Variants in RELCH observed in about 807,000 individuals in gnomAD.
RELCH encodes RAB11-binding protein RELCH.
A neutral mutation model predicts 150.3 loss-of-function variants in RELCH; 41 were observed. The observed-to-expected ratio is 0.27, with a 90% CI of 0.21 to 0.35. The LOEUF is 0.35. Ranked by LOEUF, RELCH falls within the 10% of genes least tolerant of loss-of-function variation. The probability of loss-of-function intolerance (pLI) is 1.00; values close to 1 mark genes in which losing one functional copy is unlikely to be tolerated. For synonymous variants in RELCH, 478 were observed against 531.8 expected (o/e 0.90, Z 1.39); for missense variants, 1,092 against 1,467.8 (o/e 0.74, Z 4.18).
chr18:62,256,385 G>T (rs1236681974), intron 13 of RELCH, among the ~76,000 whole-genome samples: 1 of 151,966 alleles, frequency 6.6e-6, no homozygotes, highest in East Asian at 1.9e-4. Flanking sequence ...CAGGAACTAG[G>T]CACGGTGAAA....
At chr18:62,304,723 CT>C (rs2045808937) in intron 28 of RELCH, among the ~76,000 whole-genome samples, 1 of 152,122 alleles carries the variant, frequency 6.6e-6, no homozygotes, top group Non-Finnish European at 1.5e-5. Flanking sequence ...CTGTTCAGTA[CT>C]ATGATAAATT....
intron 26 of RELCH, 139 bp downstream of exon 26, chr18:62,287,606 C>A: frequency 1.6e-6 from 1 of 638,278 alleles, no homozygotes; most frequent in Non-Finnish European, 2.7e-6. Flanking sequence ...TTTGATTTGT[C>A]TCACTCCACT....
At chr18:62,267,950 A>G (rs896642525) in intron 19 of RELCH, among the ~76,000 whole-genome samples, 4 of 152,004 alleles carry the variant, frequency 2.6e-5, no homozygotes, top group African/African-American at 9.7e-5. Context: ...CTCCCCAAAA[A>G]AGGTACTCTC....
chr18:62,292,725 C>T (rs978022745), intron 27 of RELCH, among the ~76,000 whole-genome samples: 1 of 152,182 alleles, frequency 6.6e-6, no homozygotes, highest in Non-Finnish European at 1.5e-5. Context: ...TGATAGTTAA[C>T]ATAGAGTATG....
At chr18:62,238,894 G>A (rs1194869012) in intron 10 of RELCH, among the ~76,000 whole-genome samples, 3 of 152,016 alleles carry the variant, frequency 2.0e-5, no homozygotes, top group Non-Finnish European at 4.4e-5. Context: ...AAAAGGCAAA[G>A]GAAAGAACCA....
chr18:62,249,267 G>A (rs1177201782), intron 11 of RELCH, among the ~76,000 whole-genome samples: 1 of 152,100 alleles, frequency 6.6e-6, no homozygotes, highest in East Asian at 1.9e-4. Context: ...CCCTCAACTA[G>A]GAGAATACAA....
intron 11 of RELCH, among the ~76,000 whole-genome samples, chr18:62,248,201 A>G (rs1228098057): frequency 1.3e-5 from 2 of 152,230 alleles, no homozygotes; most frequent in African/African-American, 2.4e-5. Flanking sequence ...AAATGCATGT[A>G]TAAAGTTTCC....
chr18:62,244,102 G>A (rs1183876293), intron 10 of RELCH, among the ~76,000 whole-genome samples: 1 of 151,990 alleles, frequency 6.6e-6, no homozygotes, highest in East Asian at 1.9e-4. Flanking sequence ...AATTTCAAGT[G>A]TCTCTTAGAA....
chr18:62,295,628 G>GA (rs2045372689), intron 27 of RELCH, among the ~76,000 whole-genome samples: 1 of 151,992 alleles, frequency 6.6e-6, no homozygotes, highest in South Asian at 2.1e-4. Flanking sequence ...ACCCATGCTG[G>GA]AGTACAGTGG....
intron 25 of RELCH, among the ~76,000 whole-genome samples, chr18:62,283,180 T>C (rs1212987782): frequency 6.6e-6 from 1 of 152,234 alleles, no homozygotes; most frequent in African/African-American, 2.4e-5. Context: ...AACAGACATT[T>C]CTTCCACTTA....
intron 11 of RELCH, among the ~76,000 whole-genome samples, chr18:62,245,102 C>T (rs1335583581): frequency 6.6e-6 from 1 of 152,038 alleles, no homozygotes; most frequent in East Asian, 1.9e-4. Context: ...CTTTCCTCCT[C>T]ACCTTCTCTT....
rs1186357903 is a variant in RELCH, at chr18:62,307,179, C to A, written c.*1645C>A. 1 of 151,448 alleles carries A rather than the reference C, an allele frequency of 6.6e-6. No individual in the cohort carries two copies. Among genetic ancestry groups the A allele is most frequent in the Admixed American group, 6.6e-5 (1 of 15,214 alleles). 9.4% of individuals were successfully genotyped at this position (151,448 alleles called of 1,614,324 possible). ...TTGAAACACTATACTTTCTATTAAG[C>A]AAAAAAATGAGAAAAGCCTATATTC... On this transcript the variant is annotated 3_prime_UTR_variant, in exon 29 of 29. Coordinates refer to ENST00000644646, the MANE Select transcript of RELCH (RefSeq NM_001346231.2).
At chr18:62,295,916 A>G (rs1172165708) in intron 27 of RELCH, among the ~76,000 whole-genome samples, 1 of 152,148 alleles carries the variant, frequency 6.6e-6, no homozygotes, top group Non-Finnish European at 1.5e-5. Flanking sequence ...TATCCCATGC[A>G]TTTGCTATAT....
At chr18:62,230,964 A>G (rs2041529339) in intron 8 of RELCH, among the ~76,000 whole-genome samples, 1 of 152,052 alleles carries the variant, frequency 6.6e-6, no homozygotes, top group Non-Finnish European at 1.5e-5. Flanking sequence ...TTCACATAAC[A>G]TCAAACTACT....
intron 15 of RELCH, among the ~76,000 whole-genome samples, chr18:62,259,762 T>C (rs150986051): frequency 6.6e-6 from 1 of 151,856 alleles, no homozygotes; most frequent in East Asian, 1.9e-4. Context: ...TAACCAAACA[T>C]CTTGGTATTG....
chr18:62,209,718 C>T (rs1363162709), intron 1 of RELCH, among the ~76,000 whole-genome samples: 2 of 149,532 alleles, frequency 1.3e-5, no homozygotes, highest in East Asian at 1.9e-4. Context: ...TAGAATATTG[C>T]TGTTCTGATA....
chr18:62,292,321 T>G lies in RELCH; in HGVS notation c.3459+690T>G, dbSNP rs143586414. ...TTTTTAGTTCTTATAGCTTCACGTC[T>G]CTCTGCAGCATTTTCTGATTCAAAA... On this transcript the variant is annotated intron_variant, in intron 27 of 28. Transcript: ENST00000644646. Among the ~76,000 whole-genome samples the G allele has an allele frequency of 5.9e-5, 9 of 152,274 alleles. No homozygotes were observed. The East Asian group carries it at 1.7e-3, about 29-fold the overall frequency.
chr18:62,261,776 G>A (rs9945414), intron 16 of RELCH, 118 bp downstream of exon 16: 96,329 of 800,140 alleles, frequency 0.12, 6,665 homozygotes, highest in African/African-American at 0.25. Flanking sequence ...TTTTTAAAAT[G>A]TATTATGTGT....
chr18:62,228,285 C>T lies in RELCH; in HGVS notation c.1155-20C>T. On this transcript the variant is annotated intron_variant, in intron 7 of 28. Coordinates refer to ENST00000644646, the MANE Select transcript of RELCH (RefSeq NM_001346231.2). ...ATACAGTTGTCCTCTGGTGATTTCT[C>T]TTAATTTCTCTTTCTACAGTGAAAT... The T allele has an allele frequency of 6.3e-7, 1 of 1,584,308 alleles. No homozygotes were observed. Among genetic ancestry groups the T allele is most frequent in the East Asian group, 2.2e-5 (1 of 44,598 alleles).
Sources: gnomAD v4.1 joint callset for allele counts (sites outside exome capture counted in the v4.1 genomes callset) on GRCh38, gnomAD v4.1.1 for gene constraint, MANE v1.5 for transcripts, NCBI Gene and HGNC (gene_info 2026-07-23, HGNC 2026-07-21) for gene names.